The following ZNF429 variants were observed in gnomAD, a reference collection of about 807,000 sequenced individuals.
ZNF429 encodes the protein zinc finger protein 429.
A neutral mutation model predicts 56.8 loss-of-function variants in ZNF429; 53 were observed. The observed-to-expected ratio is 0.93, with a 90% confidence interval of 0.75 to 1.17. The LOEUF (loss-of-function observed/expected upper bound fraction) is 1.17, where lower values mean the gene tolerates loss of function less well. Ranked by LOEUF, ZNF429 falls within the 50% of genes most tolerant of loss-of-function variation. ZNF429 has a pLI of 0.00. For synonymous variants in ZNF429, 278 were observed against 264.7 expected, an observed-to-expected ratio of 1.05 and a Z score of -0.49; for missense variants, 849 against 788.4, an observed-to-expected ratio of 1.08 and a Z score of -0.92.
At chr19:21,519,867 T>TA (rs386388734) in intron 1 of ZNF429, among the ~76,000 whole-genome samples, 2 of 9,210 alleles carry the variant, frequency 2.2e-4, no homozygotes, top group Non-Finnish European at 4.7e-4. Context: ...CACCCATGAA[T>TA]TTTTTTTTTT....
chr19:21,529,492 T>C (rs1442467672), intron 1 of ZNF429, 166 bp from the exon 2 acceptor site: 2 of 951,974 alleles, frequency 2.1e-6, no homozygotes, highest in Non-Finnish European at 1.3e-6. Context: ...CATTTCTGTT[T>C]ATAAATTAGT....
In ZNF429 at chr19:21,526,008, A is replaced by C. The variant is rs558273327; in HGVS notation, c.4-3650A>C. 2.6e-5 allele frequency among the ~76,000 whole-genome samples: 4 copies of C among 152,422 alleles called. No homozygotes were observed. In the East Asian group the frequency reaches 5.8e-4, roughly 22 times the overall value. On this transcript the variant is annotated intron_variant, in intron 1 of 3. Coordinates refer to ENST00000358491, the MANE Select transcript of ZNF429 (RefSeq NM_001001415.4). ...CTCTGTAACATACTCTTGAGCACAT[A>C]GTACCTGCTTAACAAACATTGCATT...
rs1325972949 is a variant in ZNF429, at chr19:21,506,401, C to A, written c.3+627C>A. Among the ~76,000 whole-genome samples the A allele has an allele frequency of 2.7e-5, 4 of 146,576 alleles. No homozygotes were observed. In the Admixed American group the frequency reaches 2.7e-4, roughly 10 times the overall value. ...TAAACCCAGGAGACCAAGATTGTGC[C>A]ATTGCACTCCAGGCTGGTTGACACA... On this transcript the variant is annotated intron_variant, in intron 1 of 3. Transcript: ENST00000358491.
intron 3 of ZNF429, among the ~76,000 whole-genome samples, chr19:21,535,085 C>T: frequency 1.3e-5 from 2 of 150,700 alleles, no homozygotes; most frequent in African/African-American, 4.9e-5. Context: ...CCTCGGCCTC[C>T]CAAAGTGCTG....
At chr19:21,518,411 G>T (rs1327944519) in intron 1 of ZNF429, among the ~76,000 whole-genome samples, 2 of 152,040 alleles carry the variant, frequency 1.3e-5, no homozygotes, top group African/African-American at 2.4e-5. Context: ...GTGGTGTGTT[G>T]TATCACTGTT....
At position 21,539,838 on chromosome 19, in the gene ZNF429, A is replaced by G. The variant is rs1054920480; in HGVS notation, c.*1760A>G. On this transcript the variant is annotated 3_prime_UTR_variant, in exon 4 of 4. Transcript: ENST00000358491. The stretch of plus-strand genomic sequence containing the variant: ...ATGCTGTTTCATTGTTCCTATTCAC[A>G]TGTGAAAGCATGTGATCAATTATTG... 1.3e-5 allele frequency among the ~76,000 whole-genome samples: 2 copies of G among 152,162 alleles called. No homozygotes were observed. Among genetic ancestry groups the G allele is most frequent in the Non-Finnish European group, 2.9e-5 (2 of 68,034 alleles).
chr19:21,516,389 T>A (rs906710306), intron 1 of ZNF429, among the ~76,000 whole-genome samples: 2 of 152,142 alleles, frequency 1.3e-5, no homozygotes, highest in African/African-American at 4.8e-5. Flanking sequence ...GCCCAGCCGC[T>A]TTGTTCTTTT....
At chr19:21,514,763 T>C (rs879658281) in intron 1 of ZNF429, among the ~76,000 whole-genome samples, 1 of 151,040 alleles carries the variant, frequency 6.6e-6, no homozygotes, top group Non-Finnish European at 1.5e-5. Context: ...CACACCCAGC[T>C]AATTTTTGTA....
At position 21,511,766 on chromosome 19, in the gene ZNF429, C is replaced by A. The variant is rs2032488327; in HGVS notation, c.3+5992C>A. Among the ~76,000 whole-genome samples, 4 of 152,140 alleles carry A rather than the reference C, an allele frequency of 2.6e-5. No homozygotes were observed. In the South Asian group the frequency reaches 8.3e-4, roughly 31 times the overall value. Reference sequence around the variant, plus strand: ...GTTGTAGCGAGCCGAGATCACGCCACTGCACTCCAGCCTGGGCACCATTGA... The same window carrying A: ...GTTGTAGCGAGCCGAGATCACGCCAATGCACTCCAGCCTGGGCACCATTGA... On this transcript the variant is annotated intron_variant, in intron 1 of 3. Coordinates refer to ENST00000358491, the MANE Select transcript of ZNF429 (RefSeq NM_001001415.4).
At chr19:21,534,668 C>G in intron 3 of ZNF429, among the ~76,000 whole-genome samples, 2 of 152,098 alleles carry the variant, frequency 1.3e-5, no homozygotes, top group African/African-American at 4.8e-5. Flanking sequence ...CTGTACCCAG[C>G]CAATATTCCT....
chr19:21,539,953 C>CT lies in ZNF429; in HGVS notation c.*1876dup, dbSNP rs2033863013. On this transcript the variant is annotated 3_prime_UTR_variant, in exon 4 of 4. Coordinates refer to ENST00000358491, the MANE Select transcript of ZNF429 (RefSeq NM_001001415.4). ...AAAATGTAAGATGCTTGATGAAAAT[C>CT]TAAGTGGAGAGGCTCTTTGTGGTTA... Among the ~76,000 whole-genome samples the CT allele has an allele frequency of 6.6e-6, 1 of 152,026 alleles. No homozygotes were observed. Among genetic ancestry groups the CT allele is most frequent in the Non-Finnish European group, 1.5e-5 (1 of 68,016 alleles).
chr19:21,516,921 G>A (rs1275367904), intron 1 of ZNF429, among the ~76,000 whole-genome samples: 1 of 152,022 alleles, frequency 6.6e-6, no homozygotes, highest in East Asian at 1.9e-4. Context: ...CTTCCTGTTG[G>A]GATGCCTGTT....
At chr19:21,518,720 A>ATTTTTATT (rs1239057535) in intron 1 of ZNF429, 1 of 151,844 alleles carries the variant, frequency 6.6e-6, no homozygotes, top group South Asian at 2.1e-4. Context: ...GCCCAGCTAA[A>ATTTTTATT]TTTTTATTTT....
chr19:21,513,828 C>T (rs975709437), intron 1 of ZNF429, among the ~76,000 whole-genome samples: 3 of 152,252 alleles, frequency 2.0e-5, no homozygotes, highest in East Asian at 3.9e-4. Flanking sequence ...CCTGCAGCTG[C>T]CACCACGTGA....
intron 1 of ZNF429, among the ~76,000 whole-genome samples, chr19:21,525,110 T>A (rs891996904): frequency 1.3e-5 from 2 of 152,182 alleles, no homozygotes; most frequent in African/African-American, 4.8e-5. Flanking sequence ...GCAAAAAAAC[T>A]TGGGCTTTAT....
At chr19:21,516,890 A>G (rs957232256) in intron 1 of ZNF429, among the ~76,000 whole-genome samples, 6 of 152,180 alleles carry the variant, frequency 3.9e-5, no homozygotes, top group Admixed American at 3.9e-4. Context: ...ATCTGCAAAC[A>G]GGGTTAGTTT....
chr19:21,518,040 G>A lies in ZNF429; in HGVS notation c.4-11618G>A, dbSNP rs138455726. 3.0e-3 allele frequency among the ~76,000 whole-genome samples: 212 copies of A among 70,424 alleles called. 4 individuals are homozygous for A. The East Asian group carries it at 0.069, about 23-fold the overall frequency. The allele number at this position is 70,424 out of a possible 152,430, so 46.2% of individuals were successfully genotyped here. ...CCTGACCTTGTGATCCACCCACCTC[G>A]GCCTCCCAAAGTGCTGGGATTACAG... On this transcript the variant is annotated intron_variant, in intron 1 of 3. Coordinates refer to ENST00000358491, the MANE Select transcript of ZNF429 (RefSeq NM_001001415.4).
chr19:21,525,203 A>AT (rs2033120695), intron 1 of ZNF429, among the ~76,000 whole-genome samples: 1 of 152,130 alleles, frequency 6.6e-6, no homozygotes, highest in African/African-American at 2.4e-5. Context: ...TTTTATTATT[A>AT]TTTCTATTTT....
At position 21,539,360 on chromosome 19, in the gene ZNF429, A is replaced by G. The variant is rs951037934; in HGVS notation, c.*1282A>G. Among the ~76,000 whole-genome samples the G allele has an allele frequency of 1.3e-5, 2 of 152,126 alleles. No homozygotes were observed. Among genetic ancestry groups the G allele is most frequent in the African/African-American group, 4.8e-5 (2 of 41,382 alleles). The stretch of plus-strand genomic sequence containing the variant: ...TAGAAAATAAAACTAAAGTTGTTAA[A>G]TTATTTGTATATAACTTTTAAAAGA... On this transcript the variant is annotated 3_prime_UTR_variant, in exon 4 of 4. Transcript: ENST00000358491.
Sources: allele counts gnomAD v4.1 joint callset (sites outside exome capture counted in the v4.1 genomes callset), GRCh38; gene constraint gnomAD v4.1.1; transcripts MANE v1.5; gene names NCBI Gene and HGNC (gene_info 2026-07-23, HGNC 2026-07-21).